Variants in PUS7 observed in about 807,000 individuals in gnomAD.
PUS7 encodes the protein pseudouridine synthase 7, also known as pseudouridylate synthase 7 homolog.
PUS7 carries 48 observed loss-of-function variants against 79.8 expected under a neutral mutation model. The observed-to-expected ratio is 0.60, with a 90% CI of 0.48 to 0.76. The LOEUF is 0.76. Among genes scored for constraint, PUS7 ranks in the 30% least tolerant of loss-of-function variants. The probability of loss-of-function intolerance (pLI) is 0.00; values close to 1 mark genes in which losing one functional copy is unlikely to be tolerated. For synonymous variants in PUS7, 286 were observed against 272.2 expected, an observed-to-expected ratio of 1.05 and a Z score of -0.50; for missense variants, 729 against 797.6, an observed-to-expected ratio of 0.91 and a Z score of 1.04.
intron 13 of PUS7, among the ~76,000 whole-genome samples, chr7:105,463,568 C>G (rs1010926411): frequency 3.9e-5 from 6 of 151,990 alleles, no homozygotes; most frequent in African/African-American, 1.2e-4. Context: ...TCAAACTGGG[C>G]CTTTTCTATC....
At chr7:105,512,080 C>T (rs1247779445) in intron 1 of PUS7, among the ~76,000 whole-genome samples, 4 of 135,912 alleles carry the variant, frequency 2.9e-5, no homozygotes, top group African/African-American at 8.5e-5. Flanking sequence ...GGGAGGCGGA[C>T]GTTGCAGTGA....
chr7:105,513,642 C>T (rs1825781327), intron 1 of PUS7, among the ~76,000 whole-genome samples: 1 of 149,790 alleles, frequency 6.7e-6, no homozygotes, highest in Non-Finnish European at 1.5e-5. Flanking sequence ...TCGAGACCAA[C>T]CTGGCTAACA....
At chr7:105,512,582 G>A (rs1406356788) in intron 1 of PUS7, among the ~76,000 whole-genome samples, 1 of 152,204 alleles carries the variant, frequency 6.6e-6, no homozygotes, top group Non-Finnish European at 1.5e-5. Context: ...GGGGGCGTGG[G>A]AGCTCACAGA....
chr7:105,477,770 T>C (rs369652968), intron 9 of PUS7, among the ~76,000 whole-genome samples: 2 of 152,092 alleles, frequency 1.3e-5, no homozygotes, highest in Admixed American at 6.5e-5. Context: ...TCTTTTTCTA[T>C]AGATTTGCTC....
At chr7:105,518,682 C>T (rs1825989471) in intron 1 of PUS7, among the ~76,000 whole-genome samples, 1 of 152,196 alleles carries the variant, frequency 6.6e-6, no homozygotes, top group Non-Finnish European at 1.5e-5. Flanking sequence ...CACCACCGCC[C>T]AGGCCAAACA....
intron 6 of PUS7, among the ~76,000 whole-genome samples, chr7:105,494,924 C>T (rs1824943145): frequency 6.7e-6 from 1 of 149,566 alleles, no homozygotes; most frequent in Non-Finnish European, 1.5e-5. Flanking sequence ...TGCAGTGAGC[C>T]TGATCATACC....
chr7:105,488,088 T>C (rs1824628619), intron 7 of PUS7, among the ~76,000 whole-genome samples: 1 of 152,158 alleles, frequency 6.6e-6, no homozygotes, highest in Admixed American at 6.5e-5. Flanking sequence ...TTTAGGTGTC[T>C]AACACAGTTT....
intron 12 of PUS7, among the ~76,000 whole-genome samples, chr7:105,466,688 C>T (rs1490805605): frequency 6.6e-6 from 1 of 151,554 alleles, no homozygotes; most frequent in Non-Finnish European, 1.5e-5. Flanking sequence ...CTTTGAAAAG[C>T]CACCATACTA....
chr7:105,467,511 G>C (rs2697026), intron 12 of PUS7, among the ~76,000 whole-genome samples: 115,219 of 151,148 alleles, frequency 0.76, 47,113 homozygotes, highest in Non-Finnish European at 0.9. Flanking sequence ...GGATGGTCTC[G>C]ATCTCCTGAC....
At chr7:105,467,004 C>A (rs940604808) in intron 12 of PUS7, among the ~76,000 whole-genome samples, 1 of 140,672 alleles carries the variant, frequency 7.1e-6, no homozygotes, top group Non-Finnish European at 1.5e-5. Context: ...AGTTTGGAAT[C>A]AGATAGAACT....
intron 12 of PUS7, 74 bp downstream of exon 12, chr7:105,468,263 T>G: frequency 6.5e-7 from 1 of 1,545,862 alleles, no homozygotes; most frequent in Non-Finnish European, 8.7e-7. Flanking sequence ...ATAGCCAGGA[T>G]GGATTTTAAA....
chr7:105,521,973 G>T (rs1826140117), intron 1 of PUS7, 79 bp downstream of exon 1: 1 of 152,540 alleles, frequency 6.6e-6, no homozygotes, highest in African/African-American at 2.4e-5. Flanking sequence ...CTGCCTCTTG[G>T]GGCGGGGCCC....
intron 5 of PUS7, among the ~76,000 whole-genome samples, chr7:105,498,634 T>C (rs1442580877): frequency 1.3e-5 from 2 of 152,094 alleles, no homozygotes; most frequent in South Asian, 2.1e-4. Flanking sequence ...ATGCGGAACA[T>C]TCCTTCCTTC....
intron 1 of PUS7, among the ~76,000 whole-genome samples, chr7:105,508,899 G>A (rs1356380352): frequency 9.6e-5 from 9 of 94,228 alleles, no homozygotes; most frequent in South Asian, 4.2e-4. Flanking sequence ...AAAAAAAAAA[G>A]GTCAGGCACG....
intron 2 of PUS7, 112 bp from the exon 3 acceptor site, chr7:105,506,385 A>G (rs1040612016): frequency 5.3e-6 from 4 of 752,084 alleles, no homozygotes; most frequent in Non-Finnish European, 4.3e-6. Context: ...AGGAATTTTA[A>G]AAAATCTTCA....
chr7:105,470,981 CA>C, intron 10 of PUS7, 133 bp from the exon 11 acceptor site: 1 of 966,684 alleles, frequency 1.0e-6, no homozygotes, highest in Non-Finnish European at 1.4e-6. Flanking sequence ...AGCTACCACT[CA>C]TCTGAGGAAG....
At chr7:105,506,563 C>G (rs1825470736) in intron 2 of PUS7, among the ~76,000 whole-genome samples, 3 of 151,974 alleles carry the variant, frequency 2.0e-5, no homozygotes, top group Admixed American at 2.0e-4. Flanking sequence ...GCTGGGATTA[C>G]AGGCACGTGC....
chr7:105,494,688 G>A (rs1326771117), intron 6 of PUS7, among the ~76,000 whole-genome samples: 1 of 152,008 alleles, frequency 6.6e-6, no homozygotes, highest in African/African-American at 2.4e-5. Context: ...AATTACAGGT[G>A]TGAGCCACTG....
At chr7:105,493,569 C>T (rs1226907831) in intron 6 of PUS7, among the ~76,000 whole-genome samples, 1 of 152,144 alleles carries the variant, frequency 6.6e-6, no homozygotes, top group Non-Finnish European at 1.5e-5. Flanking sequence ...GCTCTGACCC[C>T]CCAGGACCTC....
Sources: gnomAD v4.1 joint callset for allele counts (sites outside exome capture counted in the v4.1 genomes callset) on GRCh38, gnomAD v4.1.1 for gene constraint, MANE v1.5 for transcripts, NCBI Gene and HGNC (gene_info 2026-07-23, HGNC 2026-07-21) for gene names.